SPOCK1: variants seen among roughly 807,000 people sequenced by gnomAD.
SPOCK1 encodes the protein testican-1.
In SPOCK1, 23 loss-of-function variants were observed where a neutral mutation model predicts 55.3. That is an observed-to-expected ratio of 0.42 (90% CI 0.30 to 0.59). The LOEUF is 0.59. SPOCK1 is among the 20% of genes least tolerant of loss of function. The pLI is 0.22. For missense variants in SPOCK1, 499 were observed against 552.5 expected, an observed-to-expected ratio of 0.90 and a Z score of 0.97; for synonymous variants, 226 against 221.0, an observed-to-expected ratio of 1.02 and a Z score of -0.20.
At chr5:137,017,264 T>G (rs1453736344) in intron 6 of SPOCK1, among the ~76,000 whole-genome samples, 2 of 151,978 alleles carry the variant, frequency 1.3e-5, no homozygotes, top group Non-Finnish European at 2.9e-5. Context: ...TTTCTGTCTC[T>G]CTTATGGCAG....
chr5:137,240,458 A>C (rs1013829677), intron 3 of SPOCK1, among the ~76,000 whole-genome samples: 2 of 152,186 alleles, frequency 1.3e-5, no homozygotes, highest in Admixed American at 1.3e-4. Flanking sequence ...TCAGAGTGAG[A>C]GCTCACTTAT....
chr5:137,378,438 C>A (rs1751377982), intron 2 of SPOCK1, among the ~76,000 whole-genome samples: 1 of 152,206 alleles, frequency 6.6e-6, no homozygotes, highest in African/African-American at 2.4e-5. Flanking sequence ...GTGGACATGC[C>A]AGTTGATATT....
chr5:137,092,670 A>G (rs1196325149), intron 5 of SPOCK1, among the ~76,000 whole-genome samples: 1 of 152,216 alleles, frequency 6.6e-6, no homozygotes, highest in Non-Finnish European at 1.5e-5. Flanking sequence ...CCTAGAGAGG[A>G]ACAAGCACCC....
At chr5:137,250,542 C>A (rs1405643505) in intron 3 of SPOCK1, among the ~76,000 whole-genome samples, 1 of 152,122 alleles carries the variant, frequency 6.6e-6, no homozygotes, top group Non-Finnish European at 1.5e-5. Context: ...GGGGGAAGCC[C>A]CACTGCACAG....
At chr5:137,182,849 C>T (rs1357971219) in intron 3 of SPOCK1, among the ~76,000 whole-genome samples, 2 of 152,186 alleles carry the variant, frequency 1.3e-5, no homozygotes, top group South Asian at 2.1e-4. Context: ...GACCCACATG[C>T]CCGCAGCTCT....
rs534719088 is a variant in SPOCK1 at position 137,225,329 on chromosome 5, T to C, written c.232+41681A>G. Among the ~76,000 whole-genome samples, 4 of 152,244 alleles carry C rather than the reference T, an allele frequency of 2.6e-5. No homozygotes were observed. The South Asian group carries it at 6.2e-4, about 24-fold the overall frequency. ...GGAGACAGTAAATGCAACTACCTCA[T>C]AGAGGTTACTGTAGAAATAAAATAG... On this transcript the variant is annotated intron_variant, in intron 3 of 10. Coordinates refer to ENST00000394945, the MANE Select transcript of SPOCK1 (RefSeq NM_004598.4).
chr5:137,494,555 C>T (rs983047466), intron 2 of SPOCK1, among the ~76,000 whole-genome samples: 10 of 152,150 alleles, frequency 6.6e-5, no homozygotes, highest in Non-Finnish European at 1.5e-4. Flanking sequence ...CTGGCACACT[C>T]GATGCTCCAT....
At chr5:137,360,512 C>T (rs1351736316) in intron 2 of SPOCK1, among the ~76,000 whole-genome samples, 4 of 152,222 alleles carry the variant, frequency 2.6e-5, no homozygotes, top group African/African-American at 9.6e-5. Context: ...GGAGGTGATT[C>T]TCTCTGGAAC....
At chr5:137,245,323 G>A (rs1756373406) in intron 3 of SPOCK1, among the ~76,000 whole-genome samples, 1 of 152,096 alleles carries the variant, frequency 6.6e-6, no homozygotes, top group Non-Finnish European at 1.5e-5. Context: ...AAAATAATTG[G>A]TTTTAGAAAC....
intron 2 of SPOCK1, among the ~76,000 whole-genome samples, chr5:137,418,618 TG>T (rs1211790827): frequency 6.6e-6 from 1 of 152,254 alleles, no homozygotes. Flanking sequence ...GAGAAGTGTC[TG>T]TTCATATCCT....
chr5:137,356,838 T>TATATATATGGAGAGAG (rs1554077335), intron 2 of SPOCK1, among the ~76,000 whole-genome samples: 2 of 5,460 alleles, frequency 3.7e-4, no homozygotes, highest in South Asian at 8.6e-3. Context: ...TATATATATA[T>TATATATATGGAGAGAG]AGAGAGAGAG....
intron 2 of SPOCK1, among the ~76,000 whole-genome samples, chr5:137,286,979 G>A (rs1166329987): frequency 2.0e-5 from 3 of 152,180 alleles, no homozygotes; most frequent in South Asian, 2.1e-4. Flanking sequence ...AACAGGAGGT[G>A]CTGGAGAATT....
At chr5:137,026,900 T>C (rs560435081) in intron 6 of SPOCK1, among the ~76,000 whole-genome samples, 6 of 152,368 alleles carry the variant, frequency 3.9e-5, no homozygotes, top group Admixed American at 1.3e-4. Context: ...ATATCTATTA[T>C]GTTCCAGGCC....
At chr5:137,091,354 AG>A (rs1753052540) in intron 5 of SPOCK1, among the ~76,000 whole-genome samples, 1 of 152,194 alleles carries the variant, frequency 6.6e-6, no homozygotes, top group Non-Finnish European at 1.5e-5. Flanking sequence ...GACAACCCCA[AG>A]GGTTATGCTA....
intron 5 of SPOCK1, among the ~76,000 whole-genome samples, chr5:137,088,112 G>A (rs531849559): frequency 6.6e-6 from 1 of 152,300 alleles, no homozygotes; most frequent in African/African-American, 2.4e-5. Flanking sequence ...GACCACAGGA[G>A]GCTGGACTAG....
chr5:137,200,411 C>A (rs1012233490), intron 3 of SPOCK1, among the ~76,000 whole-genome samples: 45 of 152,284 alleles, frequency 3.0e-4, no homozygotes, highest in Admixed American at 2.6e-3. Context: ...CCCCACTTCC[C>A]TGCCTTACTT....
intron 2 of SPOCK1, among the ~76,000 whole-genome samples, chr5:137,370,509 CTATT>C (rs1751175772): frequency 2.0e-5 from 3 of 152,280 alleles, no homozygotes; most frequent in Admixed American, 6.5e-5. Flanking sequence ...TAGAATTCTT[CTATT>C]CAAGAGAAAG....
intron 2 of SPOCK1, among the ~76,000 whole-genome samples, chr5:137,377,756 G>A (rs1051236762): frequency 3.3e-5 from 5 of 152,118 alleles, no homozygotes; most frequent in Admixed American, 6.5e-5. Context: ...CTTACCAGGT[G>A]TTCAGAAGAA....
intron 2 of SPOCK1, among the ~76,000 whole-genome samples, chr5:137,296,980 CA>C (rs1757501179): frequency 6.6e-6 from 1 of 152,102 alleles, no homozygotes; most frequent in East Asian, 1.9e-4. Context: ...TCAAGAAGGA[CA>C]GACAAGAGTA....
Sources: gnomAD v4.1 joint callset for allele counts (sites outside exome capture counted in the v4.1 genomes callset) on GRCh38, gnomAD v4.1.1 for gene constraint, MANE v1.5 for transcripts, NCBI Gene and HGNC (gene_info 2026-07-23, HGNC 2026-07-21) for gene names.